The following ANKRD6 variants were observed in gnomAD, a reference collection of about 807,000 sequenced individuals.
The protein encoded by ANKRD6 is ankyrin repeat domain-containing protein 6.
ANKRD6 carries 56 observed loss-of-function variants against 82.3 expected under a neutral mutation model. That is an observed-to-expected ratio of 0.68 (90% CI 0.55 to 0.85). The LOEUF (loss-of-function observed/expected upper bound fraction) is 0.85. ANKRD6 is among the 40% of genes least tolerant of loss of function. The probability of loss-of-function intolerance (pLI) is 0.00; values close to 1 mark genes in which losing one functional copy is unlikely to be tolerated. For synonymous variants in ANKRD6, 347 were observed against 352.1 expected, an observed-to-expected ratio of 0.99 and a Z score of 0.16; for missense variants, 852 against 907.6, an observed-to-expected ratio of 0.94 and a Z score of 0.79.
chr6:89,592,432 A>G (rs1352254412), intron 2 of ANKRD6, among the ~76,000 whole-genome samples: 2 of 152,032 alleles, frequency 1.3e-5, no homozygotes, highest in African/African-American at 4.8e-5. Flanking sequence ...AGTTTGGGGG[A>G]TTAAGCACCA....
intron 1 of ANKRD6, among the ~76,000 whole-genome samples, chr6:89,482,954 T>C (rs1240606211): frequency 6.6e-6 from 1 of 152,192 alleles, no homozygotes; most frequent in African/African-American, 2.4e-5. Context: ...TGTTAACTTG[T>C]TTTTGGCACC....
At chr6:89,558,997 G>A (rs779768598) in intron 1 of ANKRD6, among the ~76,000 whole-genome samples, 1 of 152,166 alleles carries the variant, frequency 6.6e-6, no homozygotes, top group African/African-American at 2.4e-5. Context: ...ATACAATCTT[G>A]AGAGTGTAGC....
At position 89,616,666 on chromosome 6, in the gene ANKRD6, A is replaced by G. The variant is rs1394622369; in HGVS notation, c.714+9A>G. 6.2e-7 allele frequency: 1 copy of G among 1,613,562 alleles called. No homozygotes were observed. The highest frequency in any genetic ancestry group is 1.3e-5 in the African/African-American group (1 of 75,064). On this transcript the variant is annotated intron_variant, in intron 8 of 15. Coordinates refer to ENST00000339746, the MANE Select transcript of ANKRD6 (RefSeq NM_001242809.2). The stretch of plus-strand genomic sequence containing the variant: ...CGACCATTGTTAACAATGTAAGTTG[A>G]GTTGCAACATTGCTTTCTAAAGTGG...
At chr6:89,469,795 C>T (rs1338528420) in intron 1 of ANKRD6, among the ~76,000 whole-genome samples, 1 of 152,174 alleles carries the variant, frequency 6.6e-6, no homozygotes, top group Non-Finnish European at 1.5e-5. Context: ...TTCTAGGTCC[C>T]CTCAGCATAC....
At chr6:89,474,175 C>G (rs574075248) in intron 1 of ANKRD6, among the ~76,000 whole-genome samples, 6 of 152,116 alleles carry the variant, frequency 3.9e-5, no homozygotes, top group Non-Finnish European at 8.8e-5. Flanking sequence ...TGACACCCTC[C>G]CAGGATAGCC....
intron 2 of ANKRD6, 100 bp downstream of exon 2, chr6:89,567,196 A>G: frequency 6.9e-7 from 1 of 1,453,078 alleles, no homozygotes; most frequent in South Asian, 1.4e-5. Flanking sequence ...GCTTTCAAAG[A>G]ACTGGCTTTT....
intron 2 of ANKRD6, among the ~76,000 whole-genome samples, chr6:89,586,618 T>C (rs910638518): frequency 1.3e-5 from 2 of 150,248 alleles, no homozygotes; most frequent in Non-Finnish European, 3.0e-5. Context: ...ACCCGGGAGG[T>C]AGAGGTTGCA....
intron 2 of ANKRD6, among the ~76,000 whole-genome samples, chr6:89,576,675 C>T (rs1022658577): frequency 6.6e-6 from 1 of 152,166 alleles, no homozygotes; most frequent in Non-Finnish European, 1.5e-5. Context: ...GACACTGTTG[C>T]CTGCACTCCT....
intron 1 of ANKRD6, among the ~76,000 whole-genome samples, chr6:89,479,731 C>T (rs1034052305): frequency 6.6e-6 from 1 of 151,646 alleles, no homozygotes; most frequent in Non-Finnish European, 1.5e-5. Context: ...ATTAACTCAT[C>T]ATTTAACATT....
At chr6:89,453,934 T>G (rs1231295098) in intron 1 of ANKRD6, among the ~76,000 whole-genome samples, 1 of 151,952 alleles carries the variant, frequency 6.6e-6, no homozygotes, top group Admixed American at 6.6e-5. Context: ...CCGGAGTAGC[T>G]GGGACTACAG....
intron 1 of ANKRD6, among the ~76,000 whole-genome samples, chr6:89,458,998 G>T (rs1051841751): frequency 2.6e-5 from 4 of 152,190 alleles, no homozygotes; most frequent in African/African-American, 9.6e-5. Flanking sequence ...GTGTGGAGGG[G>T]TGTGCACACC....
chr6:89,440,398 G>A (rs1771224834), intron 1 of ANKRD6, among the ~76,000 whole-genome samples: 1 of 152,196 alleles, frequency 6.6e-6, no homozygotes, highest in Non-Finnish European at 1.5e-5. Context: ...TGCCTCTGGT[G>A]CCTTCTCTAG....
At chr6:89,487,867 G>A (rs7745260) in intron 1 of ANKRD6, among the ~76,000 whole-genome samples, 141,724 of 152,336 alleles carry the variant, frequency 0.93, 66,058 homozygotes, top group East Asian at 1. Context: ...TGGGAAAAGT[G>A]CATGAAATTA....
chr6:89,584,954 A>G (rs949460187), intron 2 of ANKRD6, among the ~76,000 whole-genome samples: 9 of 152,134 alleles, frequency 5.9e-5, no homozygotes, highest in African/African-American at 2.2e-4. Context: ...AGGGGCACTA[A>G]TCTTATCAGG....
chr6:89,469,928 G>A (rs1189146205), intron 1 of ANKRD6, among the ~76,000 whole-genome samples: 2 of 152,020 alleles, frequency 1.3e-5, no homozygotes, highest in African/African-American at 4.8e-5. Flanking sequence ...CTTTACCCCA[G>A]ATTCTTCTCC....
At chr6:89,552,401 A>G (rs1785978213) in intron 1 of ANKRD6, among the ~76,000 whole-genome samples, 1 of 152,158 alleles carries the variant, frequency 6.6e-6, no homozygotes. Flanking sequence ...AAGTCCTCCT[A>G]GTCCCCCTTA....
At chr6:89,436,432 A>G (rs890595740) in intron 1 of ANKRD6, among the ~76,000 whole-genome samples, 8 of 152,222 alleles carry the variant, frequency 5.3e-5, no homozygotes, top group Non-Finnish European at 1.0e-4. Flanking sequence ...CATGTTTGGT[A>G]TACTAGTTTC....
At chr6:89,550,356 A>G (rs1310719879) in intron 1 of ANKRD6, among the ~76,000 whole-genome samples, 1 of 152,236 alleles carries the variant, frequency 6.6e-6, no homozygotes, top group Non-Finnish European at 1.5e-5. Flanking sequence ...TACAGCAGTG[A>G]GAATGAAAGA....
intron 1 of ANKRD6, among the ~76,000 whole-genome samples, chr6:89,563,697 C>G (rs1787872070): frequency 6.6e-6 from 1 of 152,168 alleles, no homozygotes; most frequent in Non-Finnish European, 1.5e-5. Context: ...CAGGGGTTCC[C>G]CCATCCCTTC....
Sources: allele counts gnomAD v4.1 joint callset (sites outside exome capture counted in the v4.1 genomes callset), GRCh38; gene constraint gnomAD v4.1.1; transcripts MANE v1.5; gene names NCBI Gene and HGNC (gene_info 2026-07-23, HGNC 2026-07-21).